Variants in DNAAF11 observed in about 807,000 individuals in gnomAD.
The protein encoded by DNAAF11 is leucine rich repeat containing 6.
Under a neutral mutation model 60.8 loss-of-function variants are expected in DNAAF11, and 45 were observed. That is an observed-to-expected ratio of 0.74 (90% CI 0.58 to 0.95). The LOEUF is 0.95. DNAAF11 is among the 40% of genes least tolerant of loss of function. The pLI is 0.00. For missense variants in DNAAF11, 546 were observed against 546.2 expected (o/e 1.00, Z 0.00); for synonymous variants, 191 against 183.5 (o/e 1.04, Z -0.33).
At chr8:132,638,133 A>G in intron 3 of DNAAF11, 26 bp from the exon 4 acceptor site, 1 of 1,594,274 alleles carries the variant, frequency 6.3e-7, no homozygotes, top group Middle Eastern at 1.7e-4. Flanking sequence ...AAGTGAAAAC[A>G]AAGCAAACAA....
rs1321996684 is a variant in DNAAF11, at chr8:132,622,591, C to T, written c.914+20G>A. The T allele has an allele frequency of 9.4e-6, 15 of 1,598,994 alleles. No homozygotes were observed. The highest frequency in any genetic ancestry group is 1.3e-5 in the Non-Finnish European group (15 of 1,168,010). ...GACTGACACTTTTGGGTCTTTAACG[C>T]TCTATTTGGCCTCACATACTTGGGC... On this transcript the variant is annotated intron_variant, in intron 7 of 11. Transcript: ENST00000620350.
the DNAAF11 span, among the ~76,000 whole-genome samples, chr8:132,696,250 C>G: frequency 2.0e-5 from 3 of 152,196 alleles, no homozygotes; most frequent in Non-Finnish European, 4.4e-5. Flanking sequence ...TATACTACTT[C>G]ACATCCACTC....
chr8:132,600,642 T>G (rs1284337601), intron 10 of DNAAF11, among the ~76,000 whole-genome samples: 1 of 152,116 alleles, frequency 6.6e-6, no homozygotes, highest in African/African-American at 2.4e-5. Context: ...CATCTGATCT[T>G]TGACAAACCT....
intron 10 of DNAAF11, among the ~76,000 whole-genome samples, chr8:132,586,656 G>T (rs551809683): frequency 1.3e-5 from 2 of 152,140 alleles, no homozygotes; most frequent in African/African-American, 4.8e-5. Context: ...AGAACTTGGG[G>T]GTCTACAATC....
At chr8:132,668,464 T>C (rs917743666) in intron 1 of DNAAF11, among the ~76,000 whole-genome samples, 5 of 151,962 alleles carry the variant, frequency 3.3e-5, no homozygotes, top group African/African-American at 7.2e-5. Context: ...TTTTTTTTTT[T>C]CTTTGAGACA....
rs199654680 is a variant in DNAAF11 at position 132,572,415 on chromosome 8, A to G, written c.1292T>C (p.Ile431Thr). ...SKHSFPDVTN[I>T]VQEKKHTPRR... The stretch of plus-strand genomic sequence containing the variant: ...GGGTGTGTGTTTTTTCTCTTGAACT[A>G]TGTTAGTCACATCAGGGAATGAGTG... Residue 431 changes from isoleucine to threonine, a missense_variant, in exon 12 of 12, where the codon ATA becomes ACA. By Grantham distance (89) the Ile-to-Thr change is moderately conservative (BLOSUM62 -1). Coordinates refer to ENST00000620350, the MANE Select transcript of DNAAF11 (RefSeq NM_012472.6). 8.7e-6 allele frequency: 14 copies of G among 1,613,658 alleles called. No homozygotes were observed. The highest frequency in any genetic ancestry group is 1.1e-5 in the Non-Finnish European group (13 of 1,179,706).
intron 1 of DNAAF11, among the ~76,000 whole-genome samples, chr8:132,674,101 AGGAGGAGGAG>A (rs1336905655): frequency 6.9e-6 from 1 of 144,350 alleles, no homozygotes; most frequent in African/African-American, 2.6e-5. Flanking sequence ...GAGGAGCAGG[AGGAGGAGGAG>A]CAGGAGGAGG....
At chr8:132,601,689 G>A (rs1019318743) in intron 10 of DNAAF11, among the ~76,000 whole-genome samples, 3 of 151,884 alleles carry the variant, frequency 2.0e-5, no homozygotes, top group East Asian at 3.9e-4. Context: ...ACCAAACACC[G>A]CATGTTCTCA....
At chr8:132,690,803 G>T in the DNAAF11 span, among the ~76,000 whole-genome samples, 102 of 152,276 alleles carry the variant, frequency 6.7e-4, no homozygotes, top group African/African-American at 2.3e-3. Flanking sequence ...ATGTCCTTCA[G>T]TTGGGATTGA....
rs77289466 is a variant in DNAAF11 at position 132,583,758 on chromosome 8, C to T, written c.1162G>A (p.Gly388Ser). 1.5e-3 allele frequency: 2,351 copies of T among 1,613,408 alleles called. 29 individuals carry two copies. The African/African-American group carries it at 0.028, about 19-fold the overall frequency. ...TTCATAGATTTGAATGCTCGCTGAC[C>T]ACCTGTGATTACTTCTCCTACCTAA... ...MPKVGEVITG[G>S]QRAFKSMKTT... The change falls in exon 11 of 12, where the codon GGT (glycine) becomes AGT (serine). Residue 388 changes from glycine (G) to serine (S), a missense_variant. Gly to Ser is a moderately conservative substitution (Grantham distance 56, BLOSUM62 0). Coordinates refer to ENST00000620350, the MANE Select transcript of DNAAF11 (RefSeq NM_012472.6).
intron 4 of DNAAF11, among the ~76,000 whole-genome samples, chr8:132,636,155 A>G (rs1825035435): frequency 6.6e-6 from 1 of 152,084 alleles, no homozygotes; most frequent in Non-Finnish European, 1.5e-5. Flanking sequence ...GCTTTCAATG[A>G]AATGGTAATT....
intron 9 of DNAAF11, 76 bp from the exon 10 acceptor site, chr8:132,610,337 A>G: frequency 1.1e-6 from 1 of 905,176 alleles, no homozygotes; most frequent in Non-Finnish European, 1.8e-6. Context: ...GGGCATTTTC[A>G]TTACAAATTC....
intron 1 of DNAAF11, among the ~76,000 whole-genome samples, chr8:132,662,061 C>T (rs901505452): frequency 2.0e-5 from 3 of 152,194 alleles, no homozygotes; most frequent in Non-Finnish European, 4.4e-5. Flanking sequence ...AAAGCATCTT[C>T]TACCATTCAG....
intron 3 of DNAAF11, among the ~76,000 whole-genome samples, chr8:132,646,898 G>C (rs1294152208): frequency 5.3e-5 from 8 of 152,106 alleles, no homozygotes; most frequent in Non-Finnish European, 1.0e-4. Flanking sequence ...AATAATGGGA[G>C]ACTTTAACAC....
intron 2 of DNAAF11, among the ~76,000 whole-genome samples, chr8:132,658,129 T>A (rs1823762276): frequency 2.0e-5 from 3 of 152,190 alleles, no homozygotes; most frequent in African/African-American, 7.2e-5. Context: ...CAAAACATCA[T>A]ATATTTGTTT....
At chr8:132,684,722 T>C in the DNAAF11 span, among the ~76,000 whole-genome samples, 15 of 152,366 alleles carry the variant, frequency 9.8e-5, no homozygotes, top group Admixed American at 4.6e-4. Flanking sequence ...GACAAATTCT[T>C]TGCTACAAAC....
chr8:132,683,626 G>A, the DNAAF11 span, among the ~76,000 whole-genome samples: 2 of 152,206 alleles, frequency 1.3e-5, no homozygotes, highest in Admixed American at 1.3e-4. Flanking sequence ...CCCCTACACA[G>A]CCTCAGTGGG....
chr8:132,680,162 C>T (rs1156937631), upstream of DNAAF11, among the ~76,000 whole-genome samples: 2 of 152,142 alleles, frequency 1.3e-5, no homozygotes, highest in African/African-American at 4.8e-5. Context: ...TGGGAAATCA[C>T]GATGTGACAG....
intron 3 of DNAAF11, among the ~76,000 whole-genome samples, chr8:132,644,214 G>A (rs1822137212): frequency 6.6e-6 from 1 of 151,940 alleles, no homozygotes; most frequent in Admixed American, 6.6e-5. Context: ...TTTCATCTGG[G>A]GAAAAAAATG....
Sources: gnomAD v4.1 joint callset for allele counts (sites outside exome capture counted in the v4.1 genomes callset) on GRCh38, gnomAD v4.1.1 for gene constraint, MANE v1.5 for transcripts, NCBI Gene and HGNC (gene_info 2026-07-23, HGNC 2026-07-21) for gene names.